The following DBX1 variants were observed in gnomAD, a reference collection of about 807,000 sequenced individuals.
DBX1 encodes homeobox protein DBX1.
DBX1 carries 10 observed loss-of-function variants against 20.8 expected under a neutral mutation model. The ratio of observed to expected loss-of-function variants is 0.48; its 90% CI spans 0.30 to 0.82. The LOEUF (loss-of-function observed/expected upper bound fraction) is 0.82, where lower values mean the gene tolerates loss of function less well. Ranked by LOEUF, DBX1 falls within the 40% of genes least tolerant of loss-of-function variation. The pLI is 0.07. For missense variants in DBX1, 505 were observed against 468.8 expected (o/e 1.08, Z -0.71); for synonymous variants, 241 against 213.9 (o/e 1.13, Z -1.11).
chr11:20,160,416 C>T lies in DBX1; in HGVS notation c.-92G>A, dbSNP rs1259338526. ...CCCTCCCGCCCCCACAGTGTCCTCT[C>T]TCTTGGGCTTAGCAAACGTCTCCAA... On this transcript the variant is annotated 5_prime_UTR_variant, in exon 1 of 4. Coordinates refer to ENST00000524983, the MANE Select transcript of DBX1 (RefSeq NM_001029865.4). The T allele has an allele frequency of 1.0e-5, 14 of 1,396,638 alleles. No individual in the cohort carries two copies. Among genetic ancestry groups the T allele is most frequent in the South Asian group, 1.5e-5 (1 of 64,670 alleles). 86.5% of individuals were successfully genotyped at this position (1,396,638 alleles called of 1,614,324 possible).
chr11:20,160,437 T>A lies in DBX1; in HGVS notation c.-113A>T, dbSNP rs1056080146. Reference sequence around the variant, plus strand: ...CTCTCTCTTGGGCTTAGCAAACGTCTCCAAGTAACAATCCCACTTGGGCGT... The same window carrying A: ...CTCTCTCTTGGGCTTAGCAAACGTCACCAAGTAACAATCCCACTTGGGCGT... On this transcript the variant is annotated 5_prime_UTR_variant, in exon 1 of 4. Transcript: ENST00000524983. 44 of 1,328,056 alleles carry A rather than the reference T, an allele frequency of 3.3e-5. No individual in the cohort carries two copies. The African/African-American group carries it at 6.7e-4, about 20-fold the overall frequency. The allele number at this position is 1,328,056 out of a possible 1,614,324, so 82.3% of individuals were successfully genotyped here. A position where few individuals can be genotyped will look rare whatever the true frequency, so the allele number is the denominator to read the frequency against.
intron 2 of DBX1, 116 bp downstream of exon 2, chr11:20,159,075 T>G (rs1033926685): frequency 2.2e-5 from 16 of 739,718 alleles, no homozygotes; most frequent in Non-Finnish European, 3.7e-5. Flanking sequence ...TCGCAACCTC[T>G]GAACCAGAGC....
chr11:20,156,718 G>C lies in DBX1; in HGVS notation c.673-145C>G. The C allele has an allele frequency of 7.9e-7, 1 of 1,268,044 alleles. No individual in the cohort carries two copies. The highest frequency in any genetic ancestry group is 1.1e-6 in the Non-Finnish European group (1 of 875,050). 78.5% of individuals were successfully genotyped at this position (1,268,044 alleles called of 1,614,324 possible). A position where few individuals can be genotyped will look rare whatever the true frequency, so the allele number is the denominator to read the frequency against. On this transcript the variant is annotated intron_variant, in intron 3 of 3. Transcript: ENST00000524983. This position sits in a 1 kb window ranked among gnomAD's most constrained non-coding sequence, Gnocchi z 4.8. ...CTCCCCACCCCCAGAAATGAGTTCCGGTGGATTCCCGCATTGACTCCGCCC... is the reference window on the plus strand; with the variant it reads ...CTCCCCACCCCCAGAAATGAGTTCCCGTGGATTCCCGCATTGACTCCGCCC...
chr11:20,156,951 G>T lies in DBX1; in HGVS notation c.672+86C>A. On this transcript the variant is annotated intron_variant, in intron 3 of 3. Transcript: ENST00000524983. The surrounding 1 kb of genome is among the most constrained non-coding windows in gnomAD (Gnocchi z 4.8). ...CCATCTGTACAGTGGGACCTAAGCC[G>T]TTTCCGAACCCTTGCAATTGACGGG... 2 of 1,432,710 alleles carry T rather than the reference G, an allele frequency of 1.4e-6. No individual in the cohort carries two copies. The highest frequency in any genetic ancestry group is 9.6e-7 in the Non-Finnish European group (1 of 1,039,400). 88.7% of individuals were successfully genotyped at this position (1,432,710 alleles called of 1,614,324 possible). A position where few individuals can be genotyped will look rare whatever the true frequency, so the allele number is the denominator to read the frequency against.
chr11:20,159,536 C>T (rs1310932270), intron 1 of DBX1, among the ~76,000 whole-genome samples: 2 of 152,122 alleles, frequency 1.3e-5, no homozygotes, highest in African/African-American at 2.4e-5. Context: ...CAATCTCCAT[C>T]CTAGGCACTA....
Position 20,156,372 on chromosome 11 carries a change from G to T in DBX1, c.874C>A (p.His292Asn), listed in dbSNP as rs773428564. ...AGGTGCTGGGGGTCGGAGGACGCGT[G>T]GTAGGCCAGGCGGTGGCTGGGGCTG... Reference protein sequence around the residue: ...PGSPSHRLAYHASSDPQHLRD... With the variant: ...PGSPSHRLAYNASSDPQHLRD... The change falls in exon 4 of 4, where the codon CAC (histidine) becomes AAC (asparagine). Residue 292 changes from histidine (H) to asparagine (N), a missense_variant. His to Asn is a moderately conservative substitution (Grantham distance 68). Transcript: ENST00000524983. This position sits in a 1 kb window ranked among gnomAD's most constrained non-coding sequence, Gnocchi z 4.8. 27 of 1,607,650 alleles carry T rather than the reference G, an allele frequency of 1.7e-5. No homozygotes were observed. The highest frequency in any genetic ancestry group is 2.1e-5 in the Non-Finnish European group (25 of 1,175,978).
In DBX1 at chr11:20,159,275, G is replaced by T. The variant is rs1480030206; in HGVS notation, c.385C>A (p.Leu129Ile). 2 of 1,613,458 alleles carry T rather than the reference G, an allele frequency of 1.2e-6. No individual in the cohort carries two copies. The highest frequency in any genetic ancestry group is 1.7e-6 in the Non-Finnish European group (2 of 1,179,658). The change falls in exon 2 of 4, where the codon CTC (leucine) becomes ATC (isoleucine). Residue 129 changes from leucine (L) to isoleucine (I), a missense_variant. By Grantham distance (5) the Leu-to-Ile change is conservative. Coordinates refer to ENST00000524983, the MANE Select transcript of DBX1 (RefSeq NM_001029865.4). ...AAGGTCTTGGGAGGGACGCTCTGGA[G>T]CAAGGCTGGGGATGTTTCTGGTGGG... ...GPRTETSPAL[L>I]QSVPPKTFAF...
chr11:20,158,268 T>C (rs983941240), intron 2 of DBX1, among the ~76,000 whole-genome samples: 1 of 148,804 alleles, frequency 6.7e-6, no homozygotes, highest in Non-Finnish European at 1.5e-5. Flanking sequence ...GGGCGAATTA[T>C]CTCTCCCCTT....
rs746358404 is a variant in DBX1, at chr11:20,156,201, G to T, written c.*13C>A. 6.6e-7 allele frequency: 1 copy of T among 1,515,750 alleles called. No individual in the cohort carries two copies. Among genetic ancestry groups the T allele is most frequent in the Admixed American group, 2.3e-5 (1 of 43,938 alleles). The allele number at this position is 1,515,750 out of a possible 1,614,324, so 93.9% of individuals were successfully genotyped here. ...AAGCACTTAAAAATAGTACTCTGGC[G>T]TGCGAGCGGCTTCTAGGACACGGTG... On this transcript the variant is annotated 3_prime_UTR_variant, in exon 4 of 4. Transcript: ENST00000524983. This position sits in a 1 kb window ranked among gnomAD's most constrained non-coding sequence, Gnocchi z 4.8.
At chr11:20,158,848 G>A (rs182265960) in intron 2 of DBX1, among the ~76,000 whole-genome samples, 2 of 152,218 alleles carry the variant, frequency 1.3e-5, no homozygotes, top group East Asian at 3.9e-4. Flanking sequence ...TGAAACCTTT[G>A]TGGGGAATCG....
intron 1 of DBX1, 79 bp downstream of exon 1, chr11:20,159,879 G>C: frequency 6.3e-7 from 1 of 1,599,268 alleles, no homozygotes; most frequent in South Asian, 1.1e-5. Context: ...GGGCCCGCTC[G>C]CTAGAGGAAA....
Position 20,159,263 on chromosome 11 carries a change from G to A in DBX1, c.397C>T (p.Pro133Ser), listed in dbSNP as rs1225417199. The A allele has an allele frequency of 2.5e-6, 4 of 1,613,596 alleles. No individual in the cohort carries two copies. The highest frequency in any genetic ancestry group is 2.2e-5 in the South Asian group (2 of 91,046). ...TAGGGAAAGGCGAAGGTCTTGGGAG[G>A]GACGCTCTGGAGCAAGGCTGGGGAT... is the stretch of plus-strand genomic sequence containing the variant. ...ETSPALLQSV[P>S]PKTFAFPYFE... Residue 133 changes from proline to serine, a missense_variant, in exon 2 of 4, where the codon CCT (proline) becomes TCT (serine). Coordinates refer to ENST00000524983, the MANE Select transcript of DBX1 (RefSeq NM_001029865.4).
In DBX1 at chr11:20,157,168, C is replaced by T. The variant is rs2063663881; in HGVS notation, c.541G>A (p.Gly181Ser). 6.2e-7 allele frequency: 1 copy of T among 1,609,388 alleles called. No individual in the cohort carries two copies. Among genetic ancestry groups the T allele is most frequent in the African/African-American group, 1.3e-5 (1 of 75,022 alleles). ...GAGAAGACTGCTCGACGCAGCATGC[C>T]CCGCCGAGGCTTCCCGCGCGCGGCC... ...PLAARGKPRR[G>S]MLRRAVFSDV... Residue 181 changes from glycine to serine, a missense_variant, in exon 3 of 4, where the codon GGC becomes AGC. By Grantham distance (56) the Gly-to-Ser change is moderately conservative. Transcript: ENST00000524983.
Position 20,156,323 on chromosome 11 carries a change from G to T in DBX1, c.923C>A (p.Pro308Gln). 2 of 1,574,412 alleles carry T rather than the reference G, an allele frequency of 1.3e-6. No homozygotes were observed. The highest frequency in any genetic ancestry group is 1.7e-6 in the Non-Finnish European group (2 of 1,159,784). The change falls in exon 4 of 4, where the codon CCG becomes CAG. Residue 308 changes from proline to glutamine, a missense_variant. Physicochemically the swap from Pro to Gln is moderately conservative, Grantham distance 76. Coordinates refer to ENST00000524983, the MANE Select transcript of DBX1 (RefSeq NM_001029865.4). The surrounding 1 kb of genome is among the most constrained non-coding windows in gnomAD (Gnocchi z 4.8). The stretch of plus-strand genomic sequence containing the variant: ...CGAGTGCGCGGGCGAGGGGGGCAGC[G>T]GCCCTGGCAGCCGCGGGTCCCGCAG... ...QHLRDPRLPG[P>Q]LPPSPAHSSS...
chr11:20,156,579 A>G lies in DBX1; in HGVS notation c.673-6T>C. Reference sequence around the variant, plus strand: ...TTCTGGAACCAGATTTTCACCTGGAATGTCCCGGCCGGCGAGAAGAAGGGA... The same window carrying G: ...TTCTGGAACCAGATTTTCACCTGGAGTGTCCCGGCCGGCGAGAAGAAGGGA... On this transcript the variant is annotated splice_polypyrimidine_tract_variant and splice_region_variant and intron_variant, in intron 3 of 3. Coordinates refer to ENST00000524983, the MANE Select transcript of DBX1 (RefSeq NM_001029865.4). The surrounding 1 kb of genome is among the most constrained non-coding windows in gnomAD (Gnocchi z 4.8). The G allele has an allele frequency of 1.2e-6, 2 of 1,613,992 alleles. No homozygotes were observed. The highest frequency in any genetic ancestry group is 1.7e-6 in the Non-Finnish European group (2 of 1,180,002).
At position 20,156,774 on chromosome 11, in the gene DBX1, T is replaced by C; in HGVS notation, c.673-201A>G. 1 of 916,362 alleles carries C rather than the reference T, an allele frequency of 1.1e-6. No homozygotes were observed. The highest frequency in any genetic ancestry group is 1.5e-5 in the South Asian group (1 of 67,796). 56.8% of individuals were successfully genotyped at this position (916,362 alleles called of 1,614,324 possible). ...TCAGCTCGCGGTTCCGTTTGCCTCA[T>C]CCGCTGCCACCCTGCCCCGAAGGGC... is the stretch of plus-strand genomic sequence containing the variant. On this transcript the variant is annotated intron_variant, in intron 3 of 3. Transcript: ENST00000524983. This position sits in a 1 kb window ranked among gnomAD's most constrained non-coding sequence, Gnocchi z 4.8.
chr11:20,158,467 C>G (rs952730620), intron 2 of DBX1, among the ~76,000 whole-genome samples: 3 of 152,150 alleles, frequency 2.0e-5, no homozygotes, highest in Admixed American at 6.5e-5. Flanking sequence ...GGAAGAAAAC[C>G]TGGTGGAAGC....
At position 20,159,394 on chromosome 11, in the gene DBX1, G is replaced by A. The variant is rs73440478; in HGVS notation, c.368-102C>T. On this transcript the variant is annotated intron_variant, in intron 1 of 3. Transcript: ENST00000524983. ...GCACACTGAACACACGATATAATTA[G>A]CCCTTCATCTGGTTTCAAAGACATC... is the stretch of plus-strand genomic sequence containing the variant. 3.5e-3 allele frequency: 2,579 copies of A among 747,266 alleles called. 55 individuals carry two copies. The African/African-American group carries it at 0.039, about 11-fold the overall frequency. The allele number at this position is 747,266 out of a possible 1,614,324, so 46.3% of individuals were successfully genotyped here.
Position 20,160,217 on chromosome 11 carries a change from G to A in DBX1, c.108C>T (p.His36=), listed in dbSNP as rs1252752250. Residue 36 remains histidine, a synonymous_variant, in exon 1 of 4, where the codon CAC becomes CAT. Transcript: ENST00000524983. ...PQSLQSAFSG[H]SSFLVEDLIR... is the part of the protein sequence containing the mutation. The stretch of plus-strand genomic sequence containing the variant: ...TCAGATCCTCCACCAGGAAGCTGGA[G>A]TGGCCGGAAAATGCCGACTGCAAGG... 6.5e-7 allele frequency: 1 copy of A among 1,547,308 alleles called. No homozygotes were observed. Among genetic ancestry groups the A allele is most frequent in the Non-Finnish European group, 8.7e-7 (1 of 1,146,660 alleles).
Sources: gnomAD v4.1 joint callset for allele counts (sites outside exome capture counted in the v4.1 genomes callset) on GRCh38, gnomAD v4.1.1 for gene constraint, Gnocchi (gnomAD v3.1) non-coding constraint, MANE v1.5 for transcripts, NCBI Gene and HGNC (gene_info 2026-07-23, HGNC 2026-07-21) for gene names.